The following DTD1 variants were observed in gnomAD, a reference collection of about 807,000 sequenced individuals.
DTD1 encodes D-tyrosyl-tRNA deacylase 1 homolog.
A neutral mutation model predicts 25.6 loss-of-function variants in DTD1; 13 were observed. The observed-to-expected ratio is 0.51, with a 90% CI of 0.33 to 0.81. DTD1 has a LOEUF of 0.81. Among genes scored for constraint, DTD1 ranks in the 30% least tolerant of loss-of-function variants. The pLI is 0.02. For synonymous variants in DTD1, 110 were observed against 103.6 expected (o/e 1.06, Z -0.37); for missense variants, 193 against 266.4 (o/e 0.72, Z 1.92).
At chr20:18,757,160 G>A (rs562275088) in intron 5 of DTD1, among the ~76,000 whole-genome samples, 10 of 152,260 alleles carry the variant, frequency 6.6e-5, no homozygotes, top group African/African-American at 2.4e-4. Context: ...TCAGCTTAAG[G>A]AGATTTTGGG....
At chr20:18,605,950 T>C (rs1314999569) in intron 3 of DTD1, among the ~76,000 whole-genome samples, 2 of 149,636 alleles carry the variant, frequency 1.3e-5, no homozygotes, top group African/African-American at 2.5e-5. Context: ...ACTAAAGTGC[T>C]TCTGCACAGC....
At chr20:18,659,067 T>TA (rs139399570) in intron 4 of DTD1, among the ~76,000 whole-genome samples, 6,768 of 152,144 alleles carry the variant, frequency 0.044, 194 homozygotes, top group African/African-American at 0.067. Flanking sequence ...AATGAATTCT[T>TA]AAAAAAAAGA....
Position 18,709,248 on chromosome 20 carries a change from G to A in DTD1, c.478-34852G>A, listed in dbSNP as rs148278398. On this transcript the variant is annotated intron_variant, in intron 4 of 5. Coordinates refer to ENST00000377452, the MANE Select transcript of DTD1 (RefSeq NM_080820.6). Reference sequence around the variant, plus strand: ...TTGCAAATTCCTTGCAAAGCCCAGGGTTTTATATTGGCAGCCCTGCACAGA... The same window carrying A: ...TTGCAAATTCCTTGCAAAGCCCAGGATTTTATATTGGCAGCCCTGCACAGA... Among the ~76,000 whole-genome samples the A allele has an allele frequency of 2.1e-3, 321 of 152,218 alleles. 1 individual carries two copies. Among genetic ancestry groups the A allele is most frequent in the African/African-American group, 7.4e-3 (307 of 41,518 alleles).
At chr20:18,610,617 C>A (rs1395657200) in intron 3 of DTD1, among the ~76,000 whole-genome samples, 9 of 152,116 alleles carry the variant, frequency 5.9e-5, no homozygotes, top group Admixed American at 5.9e-4. Flanking sequence ...GCTTAAAAAA[C>A]CAGAATTTAT....
intron 4 of DTD1, among the ~76,000 whole-genome samples, chr20:18,699,355 C>T (rs1047312625): frequency 2.6e-5 from 4 of 152,076 alleles, no homozygotes; most frequent in Non-Finnish European, 4.4e-5. Context: ...AATGGGTCAG[C>T]AGTAGGAACA....
intron 4 of DTD1, among the ~76,000 whole-genome samples, chr20:18,711,212 G>C (rs1568677978): frequency 1.3e-5 from 2 of 152,142 alleles, no homozygotes; most frequent in African/African-American, 4.8e-5. Context: ...TACCTGCTTA[G>C]TACTCAGCTG....
At chr20:18,644,611 AG>A (rs2060843796) in intron 4 of DTD1, among the ~76,000 whole-genome samples, 1 of 152,248 alleles carries the variant, frequency 6.6e-6, no homozygotes, top group African/African-American at 2.4e-5. Context: ...GAATCATCAA[AG>A]GTTAGGAATA....
chr20:18,622,143 T>C (rs1337591174), intron 3 of DTD1, among the ~76,000 whole-genome samples: 1 of 152,180 alleles, frequency 6.6e-6, no homozygotes, highest in Non-Finnish European at 1.5e-5. Flanking sequence ...GGTATACATG[T>C]GCCATGGTGT....
intron 3 of DTD1, among the ~76,000 whole-genome samples, chr20:18,614,986 T>G (rs2060703430): frequency 6.6e-6 from 1 of 152,138 alleles, no homozygotes; most frequent in Non-Finnish European, 1.5e-5. Context: ...GCTGGGCTCC[T>G]CCCAACCTGG....
intron 3 of DTD1, among the ~76,000 whole-genome samples, chr20:18,599,357 T>C (rs2060624526): frequency 6.6e-6 from 1 of 152,016 alleles, no homozygotes; most frequent in Admixed American, 6.6e-5. Context: ...GTATTTGTAG[T>C]AGAGATGGGG....
intron 5 of DTD1, among the ~76,000 whole-genome samples, chr20:18,756,091 A>G (rs1600225387): frequency 6.6e-6 from 1 of 151,882 alleles, no homozygotes; most frequent in African/African-American, 2.4e-5. Context: ...GTCTGTTCAT[A>G]TCCTTCGCCC....
chr20:18,630,314 A>G (rs2060780435), intron 4 of DTD1: 1 of 152,036 alleles, frequency 6.6e-6, no homozygotes, highest in Non-Finnish European at 1.5e-5. Context: ...TAGTACTATT[A>G]TATTAACTAT....
intron 4 of DTD1, among the ~76,000 whole-genome samples, chr20:18,657,833 C>T (rs1306434809): frequency 7.2e-5 from 11 of 152,326 alleles, no homozygotes; most frequent in Middle Eastern, 3.4e-3. Flanking sequence ...GCCTGCTTGA[C>T]GTGGCTTATG....
At chr20:18,710,959 T>G (rs1416980424) in intron 4 of DTD1, among the ~76,000 whole-genome samples, 1 of 152,230 alleles carries the variant, frequency 6.6e-6, no homozygotes, top group African/African-American at 2.4e-5. Flanking sequence ...GATACTCTTG[T>G]ATTCCTATGA....
At chr20:18,663,066 T>C (rs2060917660) in intron 4 of DTD1, among the ~76,000 whole-genome samples, 1 of 152,180 alleles carries the variant, frequency 6.6e-6, no homozygotes, top group Admixed American at 6.5e-5. Context: ...GCCCCTTTGG[T>C]ATCCTACCCA....
chr20:18,606,482 T>A (rs957309841), intron 3 of DTD1, among the ~76,000 whole-genome samples: 1 of 117,800 alleles, frequency 8.5e-6, no homozygotes, highest in Non-Finnish European at 1.8e-5. Flanking sequence ...TGCACACGTA[T>A]GTTTATTGCG....
At chr20:18,588,822 G>T (rs905195868) in intron 1 of DTD1, 4 of 985,268 alleles carry the variant, frequency 4.1e-6, no homozygotes, top group Admixed American at 6.1e-5. Flanking sequence ...CTTTCGTCTC[G>T]GTTGGGCATC....
intron 3 of DTD1, among the ~76,000 whole-genome samples, chr20:18,599,789 T>C (rs1190788350): frequency 6.6e-6 from 1 of 152,260 alleles, no homozygotes; most frequent in Non-Finnish European, 1.5e-5. Flanking sequence ...TTTTTTCATA[T>C]GCTTATTTAC....
intron 5 of DTD1, among the ~76,000 whole-genome samples, chr20:18,747,195 A>G (rs8123723): frequency 0.045 from 6,889 of 152,260 alleles, 348 homozygotes; most frequent in African/African-American, 0.12. Flanking sequence ...CAGTTGTGCT[A>G]GTTAAATGGG....
Sources: gnomAD v4.1 joint callset for allele counts (sites outside exome capture counted in the v4.1 genomes callset) on GRCh38, gnomAD v4.1.1 for gene constraint, MANE v1.5 for transcripts, NCBI Gene and HGNC (gene_info 2026-07-23, HGNC 2026-07-21) for gene names.